The following SYNE2 variants were observed in gnomAD, a reference collection of about 807,000 sequenced individuals.
The protein encoded by SYNE2 is nesprin-2.
A neutral mutation model predicts 856.3 loss-of-function variants in SYNE2; 431 were observed. The observed-to-expected ratio is 0.50, with a 90% confidence interval of 0.47 to 0.55. The LOEUF is 0.55. Among genes scored for constraint, SYNE2 ranks in the 20% least tolerant of loss-of-function variants. The pLI, the probability that SYNE2 is intolerant of heterozygous loss-of-function variation, is 0.00. For missense variants in SYNE2, 8,129 were observed against 8,023.2 expected, an observed-to-expected ratio of 1.01 and a Z score of -0.50; for synonymous variants, 2,923 against 2,872.3, an observed-to-expected ratio of 1.02 and a Z score of -0.56.
chr14:64,011,017 A>G (rs1469563676), intron 32 of SYNE2, among the ~76,000 whole-genome samples: 2 of 152,230 alleles, frequency 1.3e-5, no homozygotes. Flanking sequence ...TTTGCTTGAT[A>G]TACTTGGAGG....
intron 2 of SYNE2, among the ~76,000 whole-genome samples, chr14:63,935,339 T>C (rs1317092562): frequency 6.6e-6 from 1 of 152,110 alleles, no homozygotes; most frequent in Non-Finnish European, 1.5e-5. Flanking sequence ...ATGGAATGGA[T>C]TAAAAAGGAA....
intron 51 of SYNE2, 110 bp downstream of exon 51, chr14:64,065,760 G>T: frequency 8.4e-7 from 1 of 1,188,080 alleles, no homozygotes; most frequent in Non-Finnish European, 1.2e-6. Context: ...TATACCATTT[G>T]TGCACATCAC....
intron 7 of SYNE2, among the ~76,000 whole-genome samples, chr14:63,952,580 C>T (rs1401089346): frequency 6.6e-6 from 1 of 152,182 alleles, no homozygotes; most frequent in Non-Finnish European, 1.5e-5. Context: ...TGACTTTGAA[C>T]ACTTAATCTC....
At chr14:63,836,829 A>G (rs548383527) in intron 1 of SYNE2, among the ~76,000 whole-genome samples, 1 of 152,366 alleles carries the variant, frequency 6.6e-6, no homozygotes, top group Admixed American at 6.5e-5. Flanking sequence ...TTCCTCTGCT[A>G]CAAAACATTA....
chr14:63,781,205 G>A (rs1174964435), intron 1 of SYNE2, among the ~76,000 whole-genome samples: 1 of 151,468 alleles, frequency 6.6e-6, no homozygotes, highest in African/African-American at 2.4e-5. Flanking sequence ...TTGAACCCAG[G>A]AGGCAGAGGT....
chr14:64,045,108 C>A (rs2097176418), intron 45 of SYNE2, among the ~76,000 whole-genome samples: 1 of 152,276 alleles, frequency 6.6e-6, no homozygotes, highest in Middle Eastern at 3.4e-3. Context: ...TCTAACCTCC[C>A]TGCCACAAGC....
chr14:64,144,690 C>A (rs2098166954), intron 83 of SYNE2, among the ~76,000 whole-genome samples: 1 of 152,144 alleles, frequency 6.6e-6, no homozygotes, highest in African/African-American at 2.4e-5. Context: ...TAAGTACTTT[C>A]TTGGAAAGCA....
At chr14:63,953,130 A>T (rs1341085587) in intron 7 of SYNE2, among the ~76,000 whole-genome samples, 3 of 152,196 alleles carry the variant, frequency 2.0e-5, no homozygotes, top group African/African-American at 7.2e-5. Flanking sequence ...TTGCATCCTG[A>T]TGGGGAAAGC....
chr14:63,974,640 C>T (rs762697313), intron 11 of SYNE2, among the ~76,000 whole-genome samples: 24 of 150,352 alleles, frequency 1.6e-4, no homozygotes, highest in Non-Finnish European at 3.1e-4. Context: ...CTCACTGCAG[C>T]CTCCACCTCC....
intron 1 of SYNE2, among the ~76,000 whole-genome samples, chr14:63,829,034 C>G (rs911287488): frequency 6.6e-6 from 1 of 151,970 alleles, no homozygotes; most frequent in African/African-American, 2.4e-5. Flanking sequence ...AAAAAAAGAC[C>G]AACAATAAAT....
chr14:63,976,781 T>C (rs1005191735), intron 12 of SYNE2, 54 bp downstream of exon 12: 73 of 1,567,228 alleles, frequency 4.7e-5, no homozygotes, highest in Non-Finnish European at 6.1e-5. Context: ...TTAGGGATTG[T>C]TCTTGAGGAA....
intron 49 of SYNE2, among the ~76,000 whole-genome samples, chr14:64,057,733 A>C (rs546242702): frequency 2.3e-3 from 356 of 152,306 alleles, no homozygotes; most frequent in African/African-American, 7.8e-3. Context: ...TTGCATTACC[A>C]CCAACAGCAT....
At chr14:63,888,028 C>A (rs1036215936) in intron 1 of SYNE2, among the ~76,000 whole-genome samples, 1 of 152,124 alleles carries the variant, frequency 6.6e-6, no homozygotes, top group Admixed American at 6.6e-5. Context: ...ACTGGGATTA[C>A]AGGCATGAGC....
chr14:63,766,188 C>T (rs1252121027), intron 1 of SYNE2, among the ~76,000 whole-genome samples: 1 of 151,680 alleles, frequency 6.6e-6, no homozygotes, highest in Admixed American at 6.6e-5. Flanking sequence ...AGGCAATTCT[C>T]CTGCCTCAGC....
At chr14:63,846,857 G>A (rs929861621) in intron 1 of SYNE2, among the ~76,000 whole-genome samples, 1 of 151,936 alleles carries the variant, frequency 6.6e-6, no homozygotes, top group African/African-American at 2.4e-5. Context: ...TCTGCCTCTC[G>A]AAGTGTTGGG....
At chr14:64,139,857 TA>T in intron 79 of SYNE2, 83 bp from the exon 80 acceptor site, 1 of 1,433,658 alleles carries the variant, frequency 7.0e-7, no homozygotes. Flanking sequence ...GGACATACAA[TA>T]AAATAAGAAA....
chr14:63,776,473 A>C (rs1037582004), intron 1 of SYNE2, among the ~76,000 whole-genome samples: 1 of 152,162 alleles, frequency 6.6e-6, no homozygotes, highest in African/African-American at 2.4e-5. Flanking sequence ...TGCATTATAG[A>C]TCCTTGGATG....
Position 64,208,957 on chromosome 14 carries a change from G to A in SYNE2, c.18389+12G>A, listed in dbSNP as rs1339937116. The A allele has an allele frequency of 2.5e-6, 4 of 1,613,114 alleles. No homozygotes were observed. In the South Asian group the frequency reaches 3.3e-5, roughly 13 times the overall value. On this transcript the variant is annotated intron_variant, in intron 101 of 115. Coordinates refer to ENST00000555002, the MANE Select transcript of SYNE2 (RefSeq NM_182914.3). ...GAGCGGCGCATGAAGTAAGAACTAA[G>A]CTCCCCCAAATGCCTTCAGCGTGGT... is the stretch of plus-strand genomic sequence containing the variant.
At chr14:64,216,073 T>C in intron 107 of SYNE2, 175 bp from the exon 108 acceptor site, 4 of 1,509,288 alleles carry the variant, frequency 2.7e-6, no homozygotes, top group Non-Finnish European at 3.5e-6. Context: ...GGCACAGTGT[T>C]GCTGAGTTGC....
Sources: allele counts gnomAD v4.1 joint callset (sites outside exome capture counted in the v4.1 genomes callset), GRCh38; gene constraint gnomAD v4.1.1; transcripts MANE v1.5; gene names NCBI Gene and HGNC (gene_info 2026-07-23, HGNC 2026-07-21).